SRBD1: variants seen among roughly 807,000 people sequenced by gnomAD.
SRBD1 encodes the protein S1 RNA-binding domain-containing protein 1.
A neutral mutation model predicts 115.3 loss-of-function variants in SRBD1; 88 were observed. The ratio of observed to expected loss-of-function variants is 0.76; its 90% CI spans 0.64 to 0.91. SRBD1 has a LOEUF of 0.91. Among genes scored for constraint, SRBD1 ranks in the 40% least tolerant of loss-of-function variants. The pLI, the probability that SRBD1 is intolerant of heterozygous loss-of-function variation, is 0.00. For synonymous variants in SRBD1, 509 were observed against 407.7 expected (o/e 1.25, Z -2.99); for missense variants, 1,385 against 1,177.4 (o/e 1.18, Z -2.58).
chr2:45,557,810 T>G (rs886784109), intron 10 of SRBD1, among the ~76,000 whole-genome samples: 13 of 152,186 alleles, frequency 8.5e-5, no homozygotes, highest in African/African-American at 3.1e-4. Flanking sequence ...ATCTCAAAAC[T>G]TGATTCTTCC....
chr2:45,439,065 G>C (rs1241480281), intron 16 of SRBD1, among the ~76,000 whole-genome samples: 4 of 151,928 alleles, frequency 2.6e-5, no homozygotes, highest in Non-Finnish European at 4.4e-5. Flanking sequence ...GAGGCCAGGA[G>C]ACAATGAAAC....
chr2:45,605,511 G>C (rs956199182), intron 1 of SRBD1, 70 bp from the exon 2 acceptor site: 4 of 1,378,720 alleles, frequency 2.9e-6, no homozygotes, highest in Non-Finnish European at 3.1e-6. Context: ...TACAAGTAAT[G>C]GGTCATTCAA....
intron 16 of SRBD1, among the ~76,000 whole-genome samples, chr2:45,436,087 A>G (rs943529917): frequency 2.0e-5 from 3 of 152,158 alleles, no homozygotes; most frequent in African/African-American, 7.2e-5. Context: ...TCAGGTATGC[A>G]AGTCTGGTTC....
intron 16 of SRBD1, among the ~76,000 whole-genome samples, chr2:45,443,364 G>A (rs748759091): frequency 6.6e-6 from 1 of 152,064 alleles, no homozygotes; most frequent in Non-Finnish European, 1.5e-5. Context: ...ATGACAACAG[G>A]TTTGCAGTTT....
At chr2:45,553,751 C>T (rs1311746272) in intron 10 of SRBD1, 21 bp from the exon 11 acceptor site, 1 of 1,484,826 alleles carries the variant, frequency 6.7e-7, no homozygotes, top group Non-Finnish European at 9.1e-7. Flanking sequence ...GAAAAGCCCA[C>T]ACTAAAACTG....
intron 18 of SRBD1, among the ~76,000 whole-genome samples, chr2:45,414,786 ATAGTGTGTATATAGTATG>A (rs1667746014): frequency 1.4e-5 from 1 of 73,912 alleles, no homozygotes; most frequent in African/African-American, 4.1e-5. Flanking sequence ...ACACACACAC[ATAGTGTGTATATAGTATG>A]TACACACACA....
chr2:45,409,319 T>C lies in SRBD1; in HGVS notation c.2513+3795A>G, dbSNP rs150131427. Among the ~76,000 whole-genome samples, 734 of 152,188 alleles carry C rather than the reference T, an allele frequency of 4.8e-3. 10 individuals carry two copies. The highest frequency in any genetic ancestry group is 0.017 in the African/African-American group (689 of 41,514). On this transcript the variant is annotated intron_variant, in intron 19 of 20. Transcript: ENST00000263736. The stretch of plus-strand genomic sequence containing the variant: ...AGTCTCCACGTACTCCTCAGAATTA[T>C]TGCAAGAAGTCTATGAATCCCTGTG...
chr2:45,608,418 AC>A (rs1674339827), intron 1 of SRBD1, among the ~76,000 whole-genome samples: 1 of 152,216 alleles, frequency 6.6e-6, no homozygotes. Context: ...CTTTAAAACT[AC>A]CTACGACAGG....
chr2:45,517,494 G>GA (rs1367884933), intron 14 of SRBD1, among the ~76,000 whole-genome samples: 3 of 152,178 alleles, frequency 2.0e-5, no homozygotes, highest in Non-Finnish European at 2.9e-5. Flanking sequence ...TCACGGCAAT[G>GA]AAAGACTAAT....
At chr2:45,442,421 A>T (rs900268645) in intron 16 of SRBD1, among the ~76,000 whole-genome samples, 19 of 152,282 alleles carry the variant, frequency 1.2e-4, no homozygotes, top group African/African-American at 4.6e-4. Context: ...TTCCTGCAAT[A>T]TCTCCCGTTC....
chr2:45,470,096 T>C (rs972428778), intron 16 of SRBD1, among the ~76,000 whole-genome samples: 1 of 152,184 alleles, frequency 6.6e-6, no homozygotes, highest in Non-Finnish European at 1.5e-5. Context: ...CTATGATAAT[T>C]AAGGAATTAA....
At chr2:45,459,820 C>G (rs1035387947) in intron 16 of SRBD1, among the ~76,000 whole-genome samples, 3 of 152,044 alleles carry the variant, frequency 2.0e-5, no homozygotes, top group Middle Eastern at 3.2e-3. Flanking sequence ...CTTTGGGGTC[C>G]AGGGCTCTGT....
At chr2:45,555,069 C>T (rs1355814581) in intron 10 of SRBD1, among the ~76,000 whole-genome samples, 1 of 152,066 alleles carries the variant, frequency 6.6e-6, no homozygotes, top group Non-Finnish European at 1.5e-5. Context: ...TTTCCAGCTC[C>T]TTTCCCTCCA....
At chr2:45,532,704 G>A (rs574395135) in intron 14 of SRBD1, among the ~76,000 whole-genome samples, 4 of 151,762 alleles carry the variant, frequency 2.6e-5, no homozygotes, top group Non-Finnish European at 4.4e-5. Flanking sequence ...AGAAATGTAC[G>A]GATGTGGGGA....
rs761248240 is a variant in SRBD1 at position 45,419,889 on chromosome 2, G to A, written c.2055C>T (p.Asp685=). 2.5e-5 allele frequency: 40 copies of A among 1,612,446 alleles called. No individual in the cohort carries two copies. Among genetic ancestry groups the A allele is most frequent in the African/African-American group, 4.0e-5 (3 of 75,006 alleles). ...KHIGVGMYQH[D]VSQTLLKATL... ...TTGCCTTGAGTAAAGTCTGGGATAC[G>A]TCATGCTGAAAAGACAAAGATCAAA... is the stretch of plus-strand genomic sequence containing the variant. Residue 685 remains aspartate (D), a synonymous_variant, in exon 17 of 21, where the codon GAC becomes GAT. Transcript: ENST00000263736.
chr2:45,430,838 A>G (rs910499235), intron 16 of SRBD1, among the ~76,000 whole-genome samples: 6 of 152,218 alleles, frequency 3.9e-5, no homozygotes, highest in African/African-American at 9.7e-5. Context: ...AAAAGAAACT[A>G]TCATTAGACT....
chr2:45,578,572 T>G (rs1193671527), intron 7 of SRBD1, among the ~76,000 whole-genome samples: 5 of 152,230 alleles, frequency 3.3e-5, no homozygotes, highest in African/African-American at 4.8e-5. Context: ...AAAAACAGGC[T>G]ATAGTATGCT....
At chr2:45,594,629 T>C (rs924575154) in intron 4 of SRBD1, among the ~76,000 whole-genome samples, 9 of 152,172 alleles carry the variant, frequency 5.9e-5, no homozygotes, top group African/African-American at 1.9e-4. Context: ...GATCAGGAAA[T>C]AGAAACAAAA....
At chr2:45,423,577 A>G (rs1035232284) in intron 16 of SRBD1, among the ~76,000 whole-genome samples, 1 of 152,142 alleles carries the variant, frequency 6.6e-6, no homozygotes, top group Admixed American at 6.5e-5. Context: ...CCAACAAAAA[A>G]AAGTTCAGAA....
Sources: gnomAD v4.1 joint callset for allele counts (sites outside exome capture counted in the v4.1 genomes callset) on GRCh38, gnomAD v4.1.1 for gene constraint, MANE v1.5 for transcripts, NCBI Gene and HGNC (gene_info 2026-07-23, HGNC 2026-07-21) for gene names.